The following SKIL variants were observed in gnomAD, a reference collection of about 807,000 sequenced individuals.
SKIL encodes the protein SKI like proto-oncogene, also known as ski-like protein.
In SKIL, 20 loss-of-function variants were observed where a neutral mutation model predicts 69.6. The ratio of observed to expected loss-of-function variants is 0.29; its 90% CI spans 0.20 to 0.42. The LOEUF (loss-of-function observed/expected upper bound fraction) is 0.42. Among genes scored for constraint, SKIL ranks in the 10% least tolerant of loss-of-function variants. SKIL has a pLI of 1.00. For synonymous variants in SKIL, 310 were observed against 279.9 expected, an observed-to-expected ratio of 1.11 and a Z score of -1.08; for missense variants, 745 against 783.1, an observed-to-expected ratio of 0.95 and a Z score of 0.58.
chr3:170,384,843 T>C, intron 4 of SKIL, 78 bp downstream of exon 4: 1 of 752,148 alleles, frequency 1.3e-6, no homozygotes, highest in Non-Finnish European at 2.1e-6. Context: ...ACAGGCTTTT[T>C]GTTTGAGCTA....
At chr3:170,392,100 CAG>C (rs1560223069) in intron 6 of SKIL, among the ~76,000 whole-genome samples, 157 bp from the exon 7 acceptor site, 1 of 152,070 alleles carries the variant, frequency 6.6e-6, no homozygotes, top group East Asian at 1.9e-4. Context: ...AGTGTCCTGT[CAG>C]ATGTCAGATT....
intron 2 of SKIL, among the ~76,000 whole-genome samples, chr3:170,365,537 T>G (rs942054608): frequency 6.6e-6 from 1 of 152,142 alleles, no homozygotes; most frequent in African/African-American, 2.4e-5. Flanking sequence ...ATACTTTTGG[T>G]CCCAAGCATT....
At position 170,391,247 on chromosome 3, in the gene SKIL, A is replaced by G; in HGVS notation, c.1883A>G (p.Glu628Gly). The G allele has an allele frequency of 6.3e-7, 1 of 1,593,424 alleles. No homozygotes were observed. The highest frequency in any genetic ancestry group is 8.6e-7 in the Non-Finnish European group (1 of 1,162,320). Residue 628 changes from glutamate to glycine, a missense_variant, in exon 6 of 7, where the codon GAA becomes GGA. Glu to Gly is a moderately conservative substitution (Grantham distance 98). Transcript: ENST00000259119. Reference protein sequence around the residue: ...DSNLEKDKEAEYAGQLAELRQ... With the variant: ...DSNLEKDKEAGYAGQLAELRQ... ...AATTTAGAAAAAGACAAAGAGGCTG[A>G]ATATGCAGGACAGGTAAGAATTACT...
In SKIL at chr3:170,359,689, C is replaced by G. The variant is rs947222315; in HGVS notation, c.-633-10C>G. 2 of 152,046 alleles carry G rather than the reference C, an allele frequency of 1.3e-5. No individual in the cohort carries two copies. The highest frequency in any genetic ancestry group is 4.8e-5 in the African/African-American group (2 of 41,394). The allele number at this position is 152,046 out of a possible 1,614,324, so 9.4% of individuals were successfully genotyped here. On this transcript the variant is annotated splice_polypyrimidine_tract_variant and intron_variant, in intron 1 of 6. Transcript: ENST00000259119. Reference sequence around the variant, plus strand: ...GTAACTCTTCCCCAACCCCCCTTCTCTTCTTCCAGATTAATTAAAAGAAGA... The same window carrying G: ...GTAACTCTTCCCCAACCCCCCTTCTGTTCTTCCAGATTAATTAAAAGAAGA...
At chr3:170,370,163 C>G (rs1577418419) in intron 2 of SKIL, among the ~76,000 whole-genome samples, 1 of 151,972 alleles carries the variant, frequency 6.6e-6, no homozygotes. Context: ...GGCGTAAACC[C>G]GGGAGGCGGA....
intron 4 of SKIL, among the ~76,000 whole-genome samples, chr3:170,387,759 T>TA (rs748924498): frequency 0.021 from 1,192 of 57,692 alleles, 129 homozygotes; most frequent in Non-Finnish European, 0.029. Flanking sequence ...CCGTCTCTAC[T>TA]AAAAAAAAAA....
In SKIL at chr3:170,392,506, C is replaced by G. The variant is rs762212360; in HGVS notation, c.*89C>G. On this transcript the variant is annotated 3_prime_UTR_variant, in exon 7 of 7. Transcript: ENST00000259119. ...GGTAATTGAATTCTGAAGAATTTAT[C>G]TGCATGACGATAACTAGGCATTCTA... 4.0e-6 allele frequency: 3 copies of G among 756,292 alleles called. No individual in the cohort carries two copies. Among genetic ancestry groups the G allele is most frequent in the African/African-American group, 3.6e-5 (2 of 56,092 alleles). 46.8% of individuals were successfully genotyped at this position (756,292 alleles called of 1,614,324 possible).
Position 170,395,241 on chromosome 3 carries a change from T to TA in SKIL, c.*2825dup, listed in dbSNP as rs1434078896. ...GCTGTTATTGAGGAAGCTCTTCAAC[T>TA]ACCCTAAATTTCACAAATGTAACTT... is the stretch of plus-strand genomic sequence containing the variant. On this transcript the variant is annotated 3_prime_UTR_variant, in exon 7 of 7. Coordinates refer to ENST00000259119, the MANE Select transcript of SKIL (RefSeq NM_005414.5). The TA allele has an allele frequency of 1.3e-5, 2 of 152,146 alleles. No homozygotes were observed. Among genetic ancestry groups the TA allele is most frequent in the Admixed American group, 1.3e-4 (2 of 15,278 alleles). The allele number at this position is 152,146 out of a possible 1,614,324, so 9.4% of individuals were successfully genotyped here. A position where few individuals can be genotyped will look rare whatever the true frequency, so the allele number is the denominator to read the frequency against.
chr3:170,383,896 G>A (rs1737484851), intron 3 of SKIL, among the ~76,000 whole-genome samples: 1 of 152,062 alleles, frequency 6.6e-6, no homozygotes, highest in African/African-American at 2.4e-5. Context: ...TTCTTTTTCT[G>A]GAGTAAAACT....
chr3:170,376,269 A>G (rs1002084777), intron 2 of SKIL, among the ~76,000 whole-genome samples: 1 of 150,704 alleles, frequency 6.6e-6, no homozygotes, highest in African/African-American at 2.4e-5. Flanking sequence ...CTGGTTTCGA[A>G]CTCCGGACCT....
At chr3:170,359,549 G>A (rs1057139756) in intron 1 of SKIL, 150 bp from the exon 2 acceptor site, 23 of 150,298 alleles carry the variant, frequency 1.5e-4, no homozygotes, top group African/African-American at 5.6e-4. Context: ...AGTATGCCGA[G>A]ATCGCTGCAC....
intron 2 of SKIL, among the ~76,000 whole-genome samples, chr3:170,377,025 C>G (rs75860172): frequency 1.9e-3 from 282 of 152,260 alleles, no homozygotes; most frequent in African/African-American, 6.6e-3. Context: ...GTGTTTGCAT[C>G]TTGTAATTTT....
chr3:170,394,427 G>A lies in SKIL; in HGVS notation c.*2010G>A, dbSNP rs2108230803. The A allele has an allele frequency of 6.6e-6, 1 of 152,028 alleles. No individual in the cohort carries two copies. The highest frequency in any genetic ancestry group is 1.5e-5 in the Non-Finnish European group (1 of 67,960). The allele number at this position is 152,028 out of a possible 1,614,324, so 9.4% of individuals were successfully genotyped here. ...TATTTGTGTCACAGCTCAGCTTTTT[G>A]GAAGACAAACTCAAACACCTATAAT... On this transcript the variant is annotated 3_prime_UTR_variant, in exon 7 of 7. Coordinates refer to ENST00000259119, the MANE Select transcript of SKIL (RefSeq NM_005414.5).
chr3:170,380,897 G>A (rs1737309633), intron 2 of SKIL, among the ~76,000 whole-genome samples: 1 of 151,834 alleles, frequency 6.6e-6, no homozygotes, highest in Admixed American at 6.6e-5. Flanking sequence ...GTTCAATCAT[G>A]GTTCACTGCA....
chr3:170,370,459 C>G (rs1736755321), intron 2 of SKIL, among the ~76,000 whole-genome samples: 1 of 104,444 alleles, frequency 9.6e-6, no homozygotes, highest in Non-Finnish European at 1.8e-5. Flanking sequence ...CCCCCCCGAG[C>G]AGGAGTTCAT....
At chr3:170,364,570 C>T (rs754186518) in intron 2 of SKIL, among the ~76,000 whole-genome samples, 5 of 151,478 alleles carry the variant, frequency 3.3e-5, no homozygotes, top group Admixed American at 6.6e-5. Flanking sequence ...GATCCGACCT[C>T]CTCGTCCTCT....
At chr3:170,381,711 G>A (rs1398289293) in intron 3 of SKIL, among the ~76,000 whole-genome samples, 2 of 152,074 alleles carry the variant, frequency 1.3e-5, no homozygotes, top group Admixed American at 6.5e-5. Context: ...GGGATTACAG[G>A]TGTGAGCCAC....
rs1560224797 is a variant in SKIL, at chr3:170,394,114, A to ATTTTT, written c.*1697_*1698insTTTTT. On this transcript the variant is annotated 3_prime_UTR_variant, in exon 7 of 7. Coordinates refer to ENST00000259119, the MANE Select transcript of SKIL (RefSeq NM_005414.5). ...AATATTAAAATGACATGTAGAAACA[A>ATTTTT]ATTTTTTTTTTTTTTTTTTTTTTTT... The ATTTTT allele has an allele frequency of 9.2e-4, 121 of 131,694 alleles. 1 individual carries two copies. The highest frequency in any genetic ancestry group is 3.6e-3 in the African/African-American group (118 of 32,416). The allele number at this position is 131,694 out of a possible 1,614,324, so 8.2% of individuals were successfully genotyped here.
chr3:170,359,768 C>T lies in SKIL; in HGVS notation c.-564C>T, dbSNP rs1736128647. The T allele has an allele frequency of 6.6e-6, 1 of 152,198 alleles. No individual in the cohort carries two copies. Among genetic ancestry groups the T allele is most frequent in the Non-Finnish European group, 1.5e-5 (1 of 68,090 alleles). The allele number at this position is 152,198 out of a possible 1,614,324, so 9.4% of individuals were successfully genotyped here. A position where few individuals can be genotyped will look rare whatever the true frequency, so the allele number is the denominator to read the frequency against. On this transcript the variant is annotated 5_prime_UTR_variant, in exon 2 of 7. Transcript: ENST00000259119. Reference sequence around the variant, plus strand: ...GCAATTTTTTAAGTCGGAGGCTGTTCTTACTGGTGTGAGGATTTACACACG... The same window carrying T: ...GCAATTTTTTAAGTCGGAGGCTGTTTTTACTGGTGTGAGGATTTACACACG...
Sources: allele counts gnomAD v4.1 joint callset (sites outside exome capture counted in the v4.1 genomes callset), GRCh38; gene constraint gnomAD v4.1.1; transcripts MANE v1.5; gene names NCBI Gene and HGNC (gene_info 2026-07-23, HGNC 2026-07-21).